TJP1: variants seen among roughly 807,000 people sequenced by gnomAD.
The protein encoded by TJP1 is tight junction protein ZO-1.
In TJP1, 43 loss-of-function variants were observed where a neutral mutation model predicts 194.2. That is an observed-to-expected ratio of 0.22 (90% CI 0.17 to 0.29). The LOEUF is 0.29. TJP1 is among the 10% of genes least tolerant of loss of function. The pLI, the probability that TJP1 is intolerant of heterozygous loss-of-function variation, is 1.00. For missense variants in TJP1, 1,971 were observed against 2,185.7 expected (o/e 0.90, Z 1.96); for synonymous variants, 801 against 779.0 (o/e 1.03, Z -0.47).
intron 2 of TJP1, among the ~76,000 whole-genome samples, chr15:29,901,134 G>C (rs1351409191): frequency 2.6e-5 from 4 of 152,130 alleles, no homozygotes; most frequent in Admixed American, 1.3e-4. Flanking sequence ...GGAAAAAGGT[G>C]ATAGAGAAGG....
chr15:29,726,134 AAG>A (rs1364463581), intron 18 of TJP1, among the ~76,000 whole-genome samples: 1 of 152,198 alleles, frequency 6.6e-6, no homozygotes, highest in Non-Finnish European at 1.5e-5. Flanking sequence ...ATTATAATTT[AAG>A]ATTCTTTAGG....
intron 2 of TJP1, among the ~76,000 whole-genome samples, chr15:29,842,234 A>G (rs559328087): frequency 2.8e-4 from 43 of 152,318 alleles, no homozygotes; most frequent in African/African-American, 1.0e-3. Flanking sequence ...TGAAAACATC[A>G]CCAAACTTCT....
intron 9 of TJP1, 134 bp downstream of exon 9, chr15:29,742,508 G>A (rs2044490229): frequency 2.9e-6 from 3 of 1,025,222 alleles, no homozygotes; most frequent in Non-Finnish European, 2.6e-6. Context: ...TAAGGAAAAC[G>A]CTGGAAGTCA....
intron 2 of TJP1, among the ~76,000 whole-genome samples, chr15:29,793,331 C>T (rs1186549640): frequency 6.6e-6 from 1 of 152,138 alleles, no homozygotes; most frequent in Non-Finnish European, 1.5e-5. Flanking sequence ...TTACTGAATA[C>T]TTTTTTGGCA....
At chr15:29,935,180 A>G (rs965398902) in intron 2 of TJP1, among the ~76,000 whole-genome samples, 1 of 152,212 alleles carries the variant, frequency 6.6e-6, no homozygotes, top group Admixed American at 6.5e-5. Flanking sequence ...TCATTTGAAC[A>G]TTTAGCATTC....
intron 2 of TJP1, among the ~76,000 whole-genome samples, chr15:29,792,570 T>C (rs546202990): frequency 6.6e-6 from 1 of 152,382 alleles, no homozygotes; most frequent in South Asian, 2.1e-4. Context: ...CTTTGCCTAC[T>C]CTGGGTCTTT....
intron 1 of TJP1, among the ~76,000 whole-genome samples, chr15:29,808,906 G>C (rs533786947): frequency 9.2e-5 from 14 of 152,140 alleles, no homozygotes; most frequent in Non-Finnish European, 1.6e-4. Context: ...TTATGAAGTA[G>C]AACTGTAAAA....
intron 11 of TJP1, among the ~76,000 whole-genome samples, chr15:29,736,072 G>A (rs2151291419): frequency 6.6e-6 from 1 of 152,220 alleles, no homozygotes; most frequent in Middle Eastern, 3.4e-3. Flanking sequence ...CAGTATTATG[G>A]AATCTAAGGA....
intron 10 of TJP1, among the ~76,000 whole-genome samples, chr15:29,740,361 C>T (rs1204342681): frequency 1.3e-5 from 2 of 152,102 alleles, no homozygotes; most frequent in Non-Finnish European, 2.9e-5. Context: ...TACAGTGGCT[C>T]ACATCTGTAA....
At chr15:29,790,272 C>T (rs1038923303) in intron 2 of TJP1, among the ~76,000 whole-genome samples, 1 of 152,206 alleles carries the variant, frequency 6.6e-6, no homozygotes, top group Non-Finnish European at 1.5e-5. Context: ...GAACACCAAA[C>T]AACTAAGACA....
chr15:29,710,251 G>C (rs148613615), intron 24 of TJP1, among the ~76,000 whole-genome samples: 8 of 152,116 alleles, frequency 5.3e-5, no homozygotes, highest in African/African-American at 1.9e-4. Flanking sequence ...CTTAATAAAA[G>C]ATAGCCTCAA....
intron 2 of TJP1, among the ~76,000 whole-genome samples, chr15:29,827,682 T>C (rs546647301): frequency 2.0e-5 from 3 of 152,366 alleles, no homozygotes; most frequent in Admixed American, 2.0e-4. Flanking sequence ...TTTTAATTGT[T>C]CTTTACTCTG....
chr15:29,836,932 G>T (rs1220799507), intron 2 of TJP1, among the ~76,000 whole-genome samples: 1 of 152,142 alleles, frequency 6.6e-6, no homozygotes, highest in Admixed American at 6.5e-5. Flanking sequence ...AAACCCACTG[G>T]CGCAGCCCCC....
chr15:29,724,130 T>C (rs998191544), intron 18 of TJP1, among the ~76,000 whole-genome samples: 2 of 152,218 alleles, frequency 1.3e-5, no homozygotes, highest in African/African-American at 4.8e-5. Context: ...GTTGCCTGAA[T>C]GGAGCTTTCC....
chr15:29,782,467 G>T (rs990461173), intron 2 of TJP1, among the ~76,000 whole-genome samples: 2 of 152,110 alleles, frequency 1.3e-5, no homozygotes, highest in African/African-American at 4.8e-5. Flanking sequence ...TTCAATAAAT[G>T]GTGCTGGGAT....
intron 2 of TJP1, among the ~76,000 whole-genome samples, chr15:29,789,028 T>C (rs2047898091): frequency 2.0e-5 from 3 of 152,206 alleles, no homozygotes; most frequent in Admixed American, 6.5e-5. Context: ...TTTTGTAAGA[T>C]CAACTCATCA....
chr15:29,800,355 T>C (rs2048702087), intron 2 of TJP1: 1 of 352,142 alleles, frequency 2.8e-6, no homozygotes, highest in African/African-American at 2.1e-5. Context: ...CAGTTTATAA[T>C]AATTTATACT....
chr15:29,778,528 A>G (rs1463600355), intron 2 of TJP1, among the ~76,000 whole-genome samples: 2 of 151,960 alleles, frequency 1.3e-5, no homozygotes, highest in East Asian at 1.9e-4. Flanking sequence ...CCACTGCACT[A>G]CAAGTGTTGG....
At chr15:29,824,117 A>AAAAAAC, upstream of TJP1, 1 of 99,454 alleles carries the variant, frequency 1.0e-5, no homozygotes, top group East Asian at 3.5e-4. Flanking sequence ...AAAAAAAAAA[A>AAAAAAC]TGGTGGCCAG....
Sources: gnomAD v4.1 joint callset for allele counts (sites outside exome capture counted in the v4.1 genomes callset) on GRCh38, gnomAD v4.1.1 for gene constraint, MANE v1.5 for transcripts, NCBI Gene and HGNC (gene_info 2026-07-23, HGNC 2026-07-21) for gene names.